PRKCE: variants seen among roughly 807,000 people sequenced by gnomAD.
PRKCE encodes protein kinase C epsilon type.
In PRKCE, 16 loss-of-function variants were observed where a neutral mutation model predicts 85.4. That is an observed-to-expected ratio of 0.19 (90% CI 0.13 to 0.28). PRKCE has a LOEUF of 0.28. Among genes scored for constraint, PRKCE ranks in the 10% least tolerant of loss-of-function variants. The probability of loss-of-function intolerance (pLI) is 1.00; values close to 1 mark genes in which losing one functional copy is unlikely to be tolerated. For missense variants in PRKCE, 573 were observed against 975.2 expected, an observed-to-expected ratio of 0.59 and a Z score of 5.49; for synonymous variants, 388 against 371.5, an observed-to-expected ratio of 1.04 and a Z score of -0.51.
Position 46,138,725 on chromosome 2 carries a change from G to T in PRKCE, c.1593-6368G>T, listed in dbSNP as rs538368631. The stretch of plus-strand genomic sequence containing the variant: ...AGTTGGTTGTCACAGCTGGAGAGGG[G>T]GCATACTAATAGCACCTAATGCATC... On this transcript the variant is annotated intron_variant, in intron 11 of 14. Coordinates refer to ENST00000306156, the MANE Select transcript of PRKCE (RefSeq NM_005400.3). The surrounding 1 kb of genome is among the most constrained non-coding windows in gnomAD (Gnocchi z 4.2). Among the ~76,000 whole-genome samples the T allele has an allele frequency of 7.9e-5, 12 of 152,214 alleles. No homozygotes were observed. The South Asian group carries it at 1.7e-3, about 21-fold the overall frequency.
At chr2:46,108,000 C>T (rs952070256) in intron 11 of PRKCE, among the ~76,000 whole-genome samples, 3 of 152,170 alleles carry the variant, frequency 2.0e-5, no homozygotes, top group African/African-American at 7.2e-5. Flanking sequence ...GTGATCCTAG[C>T]TCGCTTAACC....
chr2:45,816,622 C>A (rs927481209), intron 1 of PRKCE, among the ~76,000 whole-genome samples: 1 of 152,148 alleles, frequency 6.6e-6, no homozygotes, highest in Non-Finnish European at 1.5e-5. Context: ...TTTTTATGAT[C>A]ATTATGCCAG....
At chr2:45,958,806 ATATATATATATTTTTTTTT>A (rs1701163710) in intron 2 of PRKCE, among the ~76,000 whole-genome samples, 1 of 22,502 alleles carries the variant, frequency 4.4e-5, no homozygotes, top group South Asian at 3.1e-3. Flanking sequence ...ATATATATAT[ATATATATATATTTTTTTTT>A]TTTTTTTTTT....
chr2:46,077,204 AAAT>A (rs539685237), intron 10 of PRKCE, among the ~76,000 whole-genome samples: 15 of 151,700 alleles, frequency 9.9e-5, no homozygotes, highest in South Asian at 2.1e-4. Flanking sequence ...CGCACACCCA[AAAT>A]AATAATAATA....
chr2:45,693,011 G>A (rs746540754), intron 1 of PRKCE, among the ~76,000 whole-genome samples: 3 of 152,144 alleles, frequency 2.0e-5, no homozygotes, highest in Non-Finnish European at 4.4e-5. Flanking sequence ...GGAGACTTGA[G>A]GCTGACTGAG....
intron 2 of PRKCE, among the ~76,000 whole-genome samples, chr2:45,952,359 T>C (rs1163937420): frequency 2.0e-5 from 3 of 152,238 alleles, no homozygotes. Context: ...ATCACTATGC[T>C]GGGCTGTTCT....
At chr2:45,911,635 C>T (rs1297943531) in intron 2 of PRKCE, among the ~76,000 whole-genome samples, 1 of 152,146 alleles carries the variant, frequency 6.6e-6, no homozygotes, top group Non-Finnish European at 1.5e-5. Flanking sequence ...TTTTCTATGA[C>T]TTTAGGAATG....
Position 45,907,654 on chromosome 2 carries a change from AG to A in PRKCE, c.412+64592del, listed in dbSNP as rs1391588974. 2.0e-5 allele frequency among the ~76,000 whole-genome samples: 3 copies of A among 152,132 alleles called. No individual in the cohort carries two copies. Among genetic ancestry groups the A allele is most frequent in the Non-Finnish European group, 4.4e-5 (3 of 68,028 alleles). On this transcript the variant is annotated intron_variant, in intron 2 of 14. Transcript: ENST00000306156. The surrounding 1 kb of genome is among the most constrained non-coding windows in gnomAD (Gnocchi z 4.5). Reference sequence around the variant, plus strand: ...ATTCTATGGACTGTTCTGTCCAGGGAGAAGGAGCATGAGCCCACATCTGCCG... The same window carrying A: ...ATTCTATGGACTGTTCTGTCCAGGGAAAGGAGCATGAGCCCACATCTGCCG...
chr2:45,762,860 A>AAC lies in PRKCE; in HGVS notation c.349-80138_349-80137dup, dbSNP rs1300659747. On this transcript the variant is annotated intron_variant, in intron 1 of 14. Coordinates refer to ENST00000306156, the MANE Select transcript of PRKCE (RefSeq NM_005400.3). ...GTGCTGTTGGGGGCCCTCAGGCTGT[A>AAC]ACAGGCAGAGTGGTCAAAGAGCAAG... Among the ~76,000 whole-genome samples, 4 of 152,330 alleles carry AAC rather than the reference A, an allele frequency of 2.6e-5. No homozygotes were observed. In the East Asian group the frequency reaches 7.7e-4, roughly 29 times the overall value.
chr2:46,073,872 T>C (rs1322776689), intron 10 of PRKCE: 6 of 152,188 alleles, frequency 3.9e-5, no homozygotes, highest in African/African-American at 1.4e-4. Flanking sequence ...TTTCACTGGA[T>C]ACCTGAGTAA....
At chr2:45,757,383 A>G (rs1002449262) in intron 1 of PRKCE, among the ~76,000 whole-genome samples, 17 of 151,524 alleles carry the variant, frequency 1.1e-4, no homozygotes, top group African/African-American at 4.1e-4. Flanking sequence ...GCTATTATAA[A>G]GAGCTGGGCA....
At chr2:46,115,081 T>C (rs1574506529) in intron 11 of PRKCE, among the ~76,000 whole-genome samples, 1 of 152,194 alleles carries the variant, frequency 6.6e-6, no homozygotes. Context: ...TATAGAATTG[T>C]TCCATCTGAT....
chr2:45,947,286 A>G (rs1700305965), intron 2 of PRKCE, among the ~76,000 whole-genome samples: 1 of 152,130 alleles, frequency 6.6e-6, no homozygotes, highest in Non-Finnish European at 1.5e-5. Context: ...AGATAAAGTA[A>G]ATTAGTGATT....
At chr2:45,987,339 C>T (rs930744152) in intron 6 of PRKCE, among the ~76,000 whole-genome samples, 6 of 152,156 alleles carry the variant, frequency 3.9e-5, no homozygotes, top group Admixed American at 1.3e-4. Context: ...GGCTAGAAGA[C>T]GAAGGCTGAG....
At chr2:46,153,943 T>C (rs1574615744) in intron 13 of PRKCE, among the ~76,000 whole-genome samples, 1 of 151,944 alleles carries the variant, frequency 6.6e-6, no homozygotes, top group African/African-American at 2.4e-5. Context: ...CCCACCACCA[T>C]GCCTGGCTAA....
chr2:45,733,248 G>A (rs1258447385), intron 1 of PRKCE, among the ~76,000 whole-genome samples: 1 of 152,106 alleles, frequency 6.6e-6, no homozygotes, highest in Non-Finnish European at 1.5e-5. Context: ...CTGGTGGCTG[G>A]CCCTGTCCTG....
intron 10 of PRKCE, among the ~76,000 whole-genome samples, chr2:46,044,122 G>T (rs547266530): frequency 2.6e-5 from 4 of 152,320 alleles, no homozygotes; most frequent in Admixed American, 2.0e-4. Flanking sequence ...TATTGTAAAA[G>T]TACGCACTGG....
chr2:45,776,620 G>A (rs2104960490), intron 1 of PRKCE, among the ~76,000 whole-genome samples: 1 of 152,320 alleles, frequency 6.6e-6, no homozygotes, highest in Non-Finnish European at 1.5e-5. Context: ...AGACCTGCCT[G>A]TGAGAACTAT....
intron 2 of PRKCE, among the ~76,000 whole-genome samples, chr2:45,912,951 G>A (rs1697489879): frequency 6.6e-6 from 1 of 152,108 alleles, no homozygotes; most frequent in African/African-American, 2.4e-5. Flanking sequence ...GGACACAGTG[G>A]TTCCATAGTG....
Sources: gnomAD v4.1 joint callset for allele counts (sites outside exome capture counted in the v4.1 genomes callset) on GRCh38, gnomAD v4.1.1 for gene constraint, Gnocchi (gnomAD v3.1) non-coding constraint, MANE v1.5 for transcripts, NCBI Gene and HGNC (gene_info 2026-07-23, HGNC 2026-07-21) for gene names.